The following MAN1A1 variants were observed in gnomAD, a reference collection of about 807,000 sequenced individuals.
MAN1A1 encodes mannosyl-oligosaccharide 1,2-alpha-mannosidase IA.
Under a neutral mutation model 70.8 loss-of-function variants are expected in MAN1A1, and 29 were observed. The observed-to-expected ratio is 0.41, with a 90% CI of 0.31 to 0.56. The LOEUF (loss-of-function observed/expected upper bound fraction) is 0.56, where lower values mean the gene tolerates loss of function less well. MAN1A1 is among the 20% of genes least tolerant of loss of function. MAN1A1 has a pLI of 0.29. For synonymous variants in MAN1A1, 349 were observed against 330.1 expected (o/e 1.06, Z -0.62); for missense variants, 747 against 841.3 (o/e 0.89, Z 1.39).
At chr6:119,341,314 A>T (rs749482871) in intron 2 of MAN1A1, among the ~76,000 whole-genome samples, 1 of 152,140 alleles carries the variant, frequency 6.6e-6, no homozygotes, top group Non-Finnish European at 1.5e-5. Context: ...GGATGGTCTC[A>T]GTGGGGCTTC....
chr6:119,193,384 T>C (rs1396537092), intron 9 of MAN1A1, among the ~76,000 whole-genome samples: 1 of 151,776 alleles, frequency 6.6e-6, no homozygotes, highest in African/African-American at 2.4e-5. Flanking sequence ...GGGGACAAGT[T>C]TACTTCACAT....
chr6:119,218,645 T>TTGAGTACACCAGCTTTTC (rs1405732377), intron 6 of MAN1A1, among the ~76,000 whole-genome samples: 8 of 152,138 alleles, frequency 5.3e-5, no homozygotes, highest in African/African-American at 1.9e-4. Context: ...TGCATGGGTT[T>TTGAGTACACCAGCTTTTC]TGAGTACACC....
chr6:119,179,984 T>C (rs776673847), intron 12 of MAN1A1, 39 bp from the exon 13 acceptor site: 7 of 1,604,824 alleles, frequency 4.4e-6, no homozygotes, highest in Middle Eastern at 1.7e-4. Context: ...CCCAAGACAC[T>C]AGGCAGGCAG....
At chr6:119,322,681 C>T (rs1296662357) in intron 2 of MAN1A1, among the ~76,000 whole-genome samples, 2 of 152,212 alleles carry the variant, frequency 1.3e-5, no homozygotes, top group African/African-American at 4.8e-5. Context: ...TAATCCGTCT[C>T]TTTTCCCCAG....
rs74761206 is a variant in MAN1A1 at position 119,303,787 on chromosome 6, A to G, written c.701-1684T>C. 5.9e-3 allele frequency among the ~76,000 whole-genome samples: 893 copies of G among 152,270 alleles called. 31 individuals carry two copies. In the East Asian group the frequency reaches 0.09, roughly 15 times the overall value. ...CTAGATACAGCCACCAGAACAAGAC[A>G]TGCAGATCTTATACTCAGGCACCCT... On this transcript the variant is annotated intron_variant, in intron 3 of 12. Coordinates refer to ENST00000368468, the MANE Select transcript of MAN1A1 (RefSeq NM_005907.4).
At chr6:119,227,359 G>A (rs188321786) in intron 6 of MAN1A1, among the ~76,000 whole-genome samples, 14 of 152,172 alleles carry the variant, frequency 9.2e-5, no homozygotes, top group African/African-American at 3.4e-4. Context: ...CTGCACAGAC[G>A]TATACATTTG....
chr6:119,244,223 A>AG (rs1475329313), intron 6 of MAN1A1, among the ~76,000 whole-genome samples: 1 of 152,110 alleles, frequency 6.6e-6, no homozygotes, highest in Non-Finnish European at 1.5e-5. Flanking sequence ...TTCAAGTTCG[A>AG]GAAAAAAAAG....
intron 2 of MAN1A1, among the ~76,000 whole-genome samples, chr6:119,312,785 G>C (rs1169862023): frequency 6.6e-6 from 1 of 152,176 alleles, no homozygotes; most frequent in African/African-American, 2.4e-5. Flanking sequence ...TGTGGGTTGA[G>C]GTGCTGAGAC....
chr6:119,191,418 A>G (rs764539048), intron 9 of MAN1A1, among the ~76,000 whole-genome samples: 1 of 132,122 alleles, frequency 7.6e-6, no homozygotes, highest in Non-Finnish European at 1.7e-5. Context: ...AATAAAAACT[A>G]CAATGAAATT....
At chr6:119,250,822 C>A (rs1027178097) in intron 5 of MAN1A1, among the ~76,000 whole-genome samples, 2 of 152,198 alleles carry the variant, frequency 1.3e-5, no homozygotes, top group Non-Finnish European at 2.9e-5. Flanking sequence ...TTCAGTACTT[C>A]TACCTGTGTA....
intron 5 of MAN1A1, among the ~76,000 whole-genome samples, chr6:119,270,159 A>G (rs1161042296): frequency 6.6e-6 from 1 of 152,018 alleles, no homozygotes; most frequent in Non-Finnish European, 1.5e-5. Context: ...TACATTTCCA[A>G]TTTCAGTCTC....
intron 3 of MAN1A1, 148 bp from the exon 4 acceptor site, chr6:119,302,251 T>G: frequency 2.0e-6 from 1 of 498,694 alleles, no homozygotes; most frequent in Non-Finnish European, 3.6e-6. Flanking sequence ...TCAATGAAAG[T>G]ATAAAACAGC....
At chr6:119,208,434 G>C (rs1380655539) in intron 6 of MAN1A1, among the ~76,000 whole-genome samples, 1 of 152,208 alleles carries the variant, frequency 6.6e-6, no homozygotes, top group East Asian at 1.9e-4. Flanking sequence ...TAAAGGAATT[G>C]AGTCACTATG....
At chr6:119,223,706 G>T (rs1163547887) in intron 6 of MAN1A1, among the ~76,000 whole-genome samples, 1 of 152,058 alleles carries the variant, frequency 6.6e-6, no homozygotes, top group African/African-American at 2.4e-5. Flanking sequence ...CTGATATTAT[G>T]CAGCTACTAA....
At chr6:119,305,902 T>C (rs1772512000) in intron 3 of MAN1A1, among the ~76,000 whole-genome samples, 1 of 152,190 alleles carries the variant, frequency 6.6e-6, no homozygotes, top group Non-Finnish European at 1.5e-5. Context: ...TGGACTCTAA[T>C]GTTAGCCACA....
At chr6:119,196,906 A>G (rs930109799) in intron 8 of MAN1A1, among the ~76,000 whole-genome samples, 1 of 152,190 alleles carries the variant, frequency 6.6e-6, no homozygotes, top group East Asian at 1.9e-4. Context: ...TGGCCTCAAT[A>G]GTAACAAGAT....
Position 119,224,756 on chromosome 6 carries a change from A to G in MAN1A1, c.993-19874T>C, listed in dbSNP as rs567270102. ...CAATGACTTCAAAGCAACTATTTAA[A>G]TACATTCAAAGAATTCAAAGAAAAT... On this transcript the variant is annotated intron_variant, in intron 6 of 12. Coordinates refer to ENST00000368468, the MANE Select transcript of MAN1A1 (RefSeq NM_005907.4). Among the ~76,000 whole-genome samples, 34 of 152,252 alleles carry G rather than the reference A, an allele frequency of 2.2e-4. 1 individual carries two copies. In the South Asian group the frequency reaches 6.8e-3, roughly 31 times the overall value.
chr6:119,182,504 T>C (rs897416797), intron 11 of MAN1A1, among the ~76,000 whole-genome samples: 1 of 151,996 alleles, frequency 6.6e-6, no homozygotes, highest in African/African-American at 2.4e-5. Flanking sequence ...ATTTAAGTCT[T>C]TAATTCATTT....
At chr6:119,285,348 G>T (rs1375915104) in intron 5 of MAN1A1, among the ~76,000 whole-genome samples, 2 of 151,938 alleles carry the variant, frequency 1.3e-5, no homozygotes, top group Non-Finnish European at 2.9e-5. Flanking sequence ...CTGGAGGAAG[G>T]CACCAAGCCA....
Sources: allele counts gnomAD v4.1 joint callset (sites outside exome capture counted in the v4.1 genomes callset), GRCh38; gene constraint gnomAD v4.1.1; transcripts MANE v1.5; gene names NCBI Gene and HGNC (gene_info 2026-07-23, HGNC 2026-07-21).